ITPR1: variants seen among roughly 807,000 people sequenced by gnomAD.
ITPR1 encodes inositol 1,4,5-trisphosphate receptor type 1.
Under a neutral mutation model 318.4 loss-of-function variants are expected in ITPR1, and 96 were observed. The ratio of observed to expected loss-of-function variants is 0.30; its 90% CI spans 0.26 to 0.36. ITPR1 has a LOEUF of 0.36. ITPR1 is among the 10% of genes least tolerant of loss of function. The pLI is 1.00. For synonymous variants in ITPR1, 1,312 were observed against 1,289.9 expected (o/e 1.02, Z -0.37); for missense variants, 2,440 against 3,460.2 (o/e 0.71, Z 7.40).
intron 36 of ITPR1, 128 bp downstream of exon 36, chr3:4,703,078 AC>A (rs2094689304): frequency 9.7e-7 from 1 of 1,027,538 alleles, no homozygotes; most frequent in African/African-American, 1.6e-5. Flanking sequence ...TCAGAGCCAG[AC>A]CCGGAACCAA....
chr3:4,769,682 G>C (rs538756729), intron 46 of ITPR1, among the ~76,000 whole-genome samples: 4 of 152,284 alleles, frequency 2.6e-5, no homozygotes, highest in Middle Eastern at 3.4e-3. Flanking sequence ...ATATAGATGA[G>C]GAAACTGAGG....
intron 4 of ITPR1, among the ~76,000 whole-genome samples, chr3:4,556,659 C>T (rs977226753): frequency 9.2e-5 from 14 of 152,206 alleles, no homozygotes; most frequent in African/African-American, 2.6e-4. Flanking sequence ...TTCTTTTCAG[C>T]GCTGAGTAAT....
At chr3:4,598,404 G>T (rs2091017660) in intron 4 of ITPR1, among the ~76,000 whole-genome samples, 1 of 152,170 alleles carries the variant, frequency 6.6e-6, no homozygotes, top group Non-Finnish European at 1.5e-5. Flanking sequence ...TGAATCAGTT[G>T]AGCCCAGAAG....
At chr3:4,730,458 T>A (rs943205689) in intron 42 of ITPR1, among the ~76,000 whole-genome samples, 2 of 150,930 alleles carry the variant, frequency 1.3e-5, no homozygotes, top group East Asian at 3.9e-4. Flanking sequence ...TATTCTCTTA[T>A]GGGGGAAAAT....
rs565086835 is a variant in ITPR1 at position 4,768,186 on chromosome 3, G to A, written c.5726-325G>A. 17 of 244,980 alleles carry A rather than the reference G, an allele frequency of 6.9e-5. No individual in the cohort carries two copies. The East Asian group carries it at 9.4e-4, about 14-fold the overall frequency. 15.2% of individuals were successfully genotyped at this position (244,980 alleles called of 1,614,324 possible). On this transcript the variant is annotated intron_variant, in intron 45 of 61. Transcript: ENST00000649015. Reference sequence around the variant, plus strand: ...AGAACTTTCTTGAGATGTTATTCACGGATGCTCTCCCATTTTAAAGATCAG... The same window carrying A: ...AGAACTTTCTTGAGATGTTATTCACAGATGCTCTCCCATTTTAAAGATCAG...
chr3:4,531,344 G>A (rs1311054718), intron 4 of ITPR1, among the ~76,000 whole-genome samples: 1 of 152,122 alleles, frequency 6.6e-6, no homozygotes, highest in East Asian at 1.9e-4. Context: ...ATTAGCTCCG[G>A]CAACAACATT....
At chr3:4,583,632 C>A (rs933844484) in intron 4 of ITPR1, among the ~76,000 whole-genome samples, 2 of 152,224 alleles carry the variant, frequency 1.3e-5, no homozygotes, top group Non-Finnish European at 2.9e-5. Flanking sequence ...TCCTCCTTGG[C>A]TTTTAGCTTT....
chr3:4,763,762 C>G (rs761437025), intron 44 of ITPR1, among the ~76,000 whole-genome samples: 1 of 152,288 alleles, frequency 6.6e-6, no homozygotes, highest in South Asian at 2.1e-4. Flanking sequence ...CCTGTCTCAT[C>G]TCATAAGAGC....
intron 4 of ITPR1, among the ~76,000 whole-genome samples, chr3:4,561,984 C>T (rs923462457): frequency 1.3e-5 from 2 of 151,898 alleles, no homozygotes; most frequent in Non-Finnish European, 2.9e-5. Context: ...CTTTTTGAAC[C>T]TGTAAAACAG....
chr3:4,589,639 T>G lies in ITPR1; in HGVS notation c.164-38124T>G, dbSNP rs140725255. ...CTTTCTACCATGGCTGGAGCTGGAG[T>G]GGTCCTTATAAAGCCATTTGGGTCA... is the stretch of plus-strand genomic sequence containing the variant. On this transcript the variant is annotated intron_variant, in intron 4 of 61. Coordinates refer to ENST00000649015, the MANE Select transcript of ITPR1 (RefSeq NM_001378452.1). Among the ~76,000 whole-genome samples, 1,114 of 152,010 alleles carry G rather than the reference T, an allele frequency of 7.3e-3. 7 individuals carry two copies. The highest frequency in any genetic ancestry group is 0.044 in the Middle Eastern group (13 of 294).
Position 4,800,720 on chromosome 3 carries a change from C to A in ITPR1, c.7107+120C>A, listed in dbSNP as rs116333276. The A allele has an allele frequency of 1.4e-3, 1,417 of 1,040,280 alleles. 14 individuals carry two copies. In the African/African-American group the frequency reaches 0.02, roughly 15 times the overall value. The allele number at this position is 1,040,280 out of a possible 1,614,324, so 64.4% of individuals were successfully genotyped here. A position where few individuals can be genotyped will look rare whatever the true frequency, so the allele number is the denominator to read the frequency against. On this transcript the variant is annotated intron_variant, in intron 54 of 61. Transcript: ENST00000649015. ...TCCAGAAAATTATTGTTTGGGGCAA[C>A]TGTTTAAATAGCCAGAAGCAGGGGA...
Position 4,814,581 on chromosome 3 carries a change from GAAGGAA to G in ITPR1, c.7701+20_7701+25del. On this transcript the variant is annotated intron_variant, in intron 58 of 61. Transcript: ENST00000649015. ...CAAAGAGGTAAATTAATCCCGAGGG[GAAGGAA>G]GGGCAAAGGGGGCGGGTGGGGTGGT... 9.5e-7 allele frequency: 1 copy of G among 1,048,266 alleles called. No individual in the cohort carries two copies. Among genetic ancestry groups the G allele is most frequent in the Non-Finnish European group, 1.4e-6 (1 of 708,790 alleles). The allele number at this position is 1,048,266 out of a possible 1,614,324, so 64.9% of individuals were successfully genotyped here.
At position 4,754,055 on chromosome 3, in the gene ITPR1, G is replaced by T. The variant is rs574258327; in HGVS notation, c.5545-12475G>T. Among the ~76,000 whole-genome samples, 154 of 131,878 alleles carry T rather than the reference G, an allele frequency of 1.2e-3. 2 individuals carry two copies. The East Asian group carries it at 0.021, about 18-fold the overall frequency. 86.5% of individuals were successfully genotyped at this position (131,878 alleles called of 152,430 possible). A position where few individuals can be genotyped will look rare whatever the true frequency, so the allele number is the denominator to read the frequency against. ...CTGCACAAACACAGAAAATGGGGGG[G>T]GGGTGGCAAGGATTATTCTTGGCAT... is the stretch of plus-strand genomic sequence containing the variant. On this transcript the variant is annotated intron_variant, in intron 44 of 61. Transcript: ENST00000649015.
rs148305093 is a variant in ITPR1 at position 4,516,699 on chromosome 3, C to A, written c.92+116C>A. On this transcript the variant is annotated intron_variant, in intron 3 of 61. Transcript: ENST00000649015. Reference sequence around the variant, plus strand: ...ACCGTTTTACTTGGCTTTCTAAGTGCGGTTGAAATCACAAACACCAAATCT... The same window carrying A: ...ACCGTTTTACTTGGCTTTCTAAGTGAGGTTGAAATCACAAACACCAAATCT... 48 of 706,744 alleles carry A rather than the reference C, an allele frequency of 6.8e-5. 2 individuals carry two copies. The highest frequency in any genetic ancestry group is 4.1e-4 in the African/African-American group (22 of 53,468). 43.8% of individuals were successfully genotyped at this position (706,744 alleles called of 1,614,324 possible).
chr3:4,537,350 G>A (rs1285137248), intron 4 of ITPR1, among the ~76,000 whole-genome samples: 2 of 152,152 alleles, frequency 1.3e-5, no homozygotes, highest in African/African-American at 4.8e-5. Flanking sequence ...AATATTGTAA[G>A]CTCTGTTCTT....
chr3:4,767,973 C>T (rs983224824), intron 45 of ITPR1, among the ~76,000 whole-genome samples: 12 of 152,196 alleles, frequency 7.9e-5, no homozygotes, highest in East Asian at 1.9e-4. Context: ...AGCCAGCATT[C>T]GAACCCAGCG....
At chr3:4,550,419 G>A (rs535785810) in intron 4 of ITPR1, among the ~76,000 whole-genome samples, 9 of 152,268 alleles carry the variant, frequency 5.9e-5, no homozygotes, top group African/African-American at 1.7e-4. Context: ...ATTTTATTGC[G>A]TGCTTCATGA....
intron 19 of ITPR1, among the ~76,000 whole-genome samples, chr3:4,670,347 C>T (rs1193425202): frequency 6.6e-6 from 1 of 152,208 alleles, no homozygotes; most frequent in Non-Finnish European, 1.5e-5. Context: ...TGGGCTAATG[C>T]AGGGTTTTTC....
intron 23 of ITPR1, among the ~76,000 whole-genome samples, chr3:4,675,643 G>A (rs1008218764): frequency 6.6e-6 from 1 of 152,042 alleles, no homozygotes; most frequent in Admixed American, 6.6e-5. Flanking sequence ...TGAGACCCTT[G>A]ATAATAATAT....
Sources: allele counts gnomAD v4.1 joint callset (sites outside exome capture counted in the v4.1 genomes callset), GRCh38; gene constraint gnomAD v4.1.1; transcripts MANE v1.5; gene names NCBI Gene and HGNC (gene_info 2026-07-23, HGNC 2026-07-21).